ADAMTS2: variants seen among roughly 807,000 people sequenced by gnomAD.
ADAMTS2 encodes the protein A disintegrin and metalloproteinase with thrombospondin motifs 2.
ADAMTS2 carries 50 observed loss-of-function variants against 123.0 expected under a neutral mutation model. The ratio of observed to expected loss-of-function variants is 0.41; its 90% CI spans 0.32 to 0.51. The LOEUF (loss-of-function observed/expected upper bound fraction) is 0.51. Ranked by LOEUF, ADAMTS2 falls within the 20% of genes least tolerant of loss-of-function variation. ADAMTS2 has a pLI of 0.35. For synonymous variants in ADAMTS2, 678 were observed against 695.4 expected (o/e 0.98, Z 0.39); for missense variants, 1,494 against 1,705.2 (o/e 0.88, Z 2.18).
intron 10 of ADAMTS2, 73 bp from the exon 11 acceptor site, chr5:179,140,108 C>G: frequency 6.2e-7 from 1 of 1,605,976 alleles, no homozygotes; most frequent in East Asian, 2.2e-5. Context: ...GCTCTGCAGC[C>G]TGCAGTGTCT....
rs76114462 is a variant in ADAMTS2 at position 179,273,245 on chromosome 5, C to T, written c.535-181G>A. Among the ~76,000 whole-genome samples the T allele has an allele frequency of 0.023, 3,525 of 152,206 alleles. 156 individuals are homozygous for T. Among genetic ancestry groups the T allele is most frequent in the African/African-American group, 0.081 (3,367 of 41,504 alleles). On this transcript the variant is annotated intron_variant, in intron 2 of 21. Transcript: ENST00000251582. ...ATGAACATGTGGTCCCAGAGGCCGCCCCCCGCCGCCCACCCTGTCTAGGAA... is the reference window on the plus strand; with the variant it reads ...ATGAACATGTGGTCCCAGAGGCCGCTCCCCGCCGCCCACCCTGTCTAGGAA...
At chr5:179,219,346 T>C (rs1765072623) in intron 3 of ADAMTS2, among the ~76,000 whole-genome samples, 1 of 152,222 alleles carries the variant, frequency 6.6e-6, no homozygotes, top group African/African-American at 2.4e-5. Context: ...CATTTAGCTC[T>C]CTGTCTCTTG....
chr5:179,207,636 C>A lies in ADAMTS2; in HGVS notation c.768G>T (p.Arg256Ser). 6.2e-7 allele frequency: 1 copy of A among 1,613,780 alleles called. No homozygotes were observed. The highest frequency in any genetic ancestry group is 1.1e-5 in the South Asian group (1 of 91,082). The change falls in exon 4 of 22, where the codon AGG becomes AGT. Residue 256 changes from arginine (R) to serine (S), a missense_variant. Physicochemically the swap from Arg to Ser is moderately radical, Grantham distance 110. This residue lies in a region of ADAMTS2 where 184 missense variants were observed against 152.1 expected (regional missense o/e 1.21). Transcript: ENST00000251582. ...CATCGTCCGCAGCATGCCTGCGTGC[C>A]CTCCGCCTCGAGCTGTTGGCGTGCT... ...LEEHANSSRR[R>S]ARRHAADDDY... is the part of the protein sequence containing the mutation.
intron 3 of ADAMTS2, among the ~76,000 whole-genome samples, chr5:179,226,336 A>T (rs35510292): frequency 6.8e-6 from 1 of 147,316 alleles, no homozygotes. Context: ...GCGTGATCTC[A>T]GCTCACTGCA....
At chr5:179,299,301 G>T (rs1381391194) in intron 2 of ADAMTS2, among the ~76,000 whole-genome samples, 50 of 125,802 alleles carry the variant, frequency 4.0e-4, no homozygotes, top group Non-Finnish European at 5.3e-4. Flanking sequence ...AGGCTGAGGC[G>T]GGCGGATCAC....
chr5:179,249,376 C>G (rs927439500), intron 3 of ADAMTS2, among the ~76,000 whole-genome samples: 1 of 151,578 alleles, frequency 6.6e-6, no homozygotes, highest in Non-Finnish European at 1.5e-5. Context: ...TCAAAGCTAG[C>G]AGAAAAAAGG....
intron 3 of ADAMTS2, among the ~76,000 whole-genome samples, chr5:179,222,861 T>C (rs1287733280): frequency 1.3e-5 from 2 of 152,206 alleles, no homozygotes; most frequent in African/African-American, 2.4e-5. Flanking sequence ...AGGGCCCAGC[T>C]GCCTCCGAAC....
At chr5:179,168,144 G>A (rs1035614461) in intron 5 of ADAMTS2, among the ~76,000 whole-genome samples, 2 of 152,152 alleles carry the variant, frequency 1.3e-5, no homozygotes, top group Admixed American at 6.5e-5. Context: ...TGGGTGAGGC[G>A]GGCACCCTGT....
intron 2 of ADAMTS2, among the ~76,000 whole-genome samples, chr5:179,304,569 T>TGAG (rs1756621785): frequency 1.3e-5 from 2 of 152,172 alleles, no homozygotes; most frequent in African/African-American, 4.8e-5. Context: ...CTTTAAGAAC[T>TGAG]CACTGGATAG....
At chr5:179,321,031 TA>T (rs1419373254) in intron 2 of ADAMTS2, among the ~76,000 whole-genome samples, 2 of 152,218 alleles carry the variant, frequency 1.3e-5, no homozygotes, top group Non-Finnish European at 2.9e-5. Flanking sequence ...TGAAGCTAGA[TA>T]GTTCTAGATA....
intron 3 of ADAMTS2, among the ~76,000 whole-genome samples, chr5:179,217,743 T>C (rs55694270): frequency 1.3e-3 from 99 of 76,404 alleles, no homozygotes; most frequent in African/African-American, 2.2e-3. Context: ...ATGGCACACT[T>C]GCTAGGGGAT....
chr5:179,260,757 C>A lies in ADAMTS2; in HGVS notation c.688+12154G>T, dbSNP rs1020093837. On this transcript the variant is annotated intron_variant, in intron 3 of 21. Transcript: ENST00000251582. This position sits in a 1 kb window ranked among gnomAD's most constrained non-coding sequence, Gnocchi z 4.2. ...CACCGTGGGGCTCATTACAAGAATC[C>A]TAGGAGATGATGTACCTGCAGCGTG... 3.3e-5 allele frequency among the ~76,000 whole-genome samples: 5 copies of A among 152,158 alleles called. No individual in the cohort carries two copies. The highest frequency in any genetic ancestry group is 7.4e-5 in the Non-Finnish European group (5 of 68,008).
At chr5:179,232,288 C>A (rs964254954) in intron 3 of ADAMTS2, among the ~76,000 whole-genome samples, 1 of 152,204 alleles carries the variant, frequency 6.6e-6, no homozygotes, top group Non-Finnish European at 1.5e-5. Context: ...GGAAGCCACA[C>A]GGGATCCCTG....
chr5:179,236,128 C>T (rs185480482), intron 3 of ADAMTS2, among the ~76,000 whole-genome samples: 2 of 152,356 alleles, frequency 1.3e-5, no homozygotes, highest in Admixed American at 6.5e-5. Flanking sequence ...GCCATGAGGT[C>T]AGCTCCGCTC....
chr5:179,295,739 G>C (rs979647311), intron 2 of ADAMTS2, among the ~76,000 whole-genome samples: 1 of 152,248 alleles, frequency 6.6e-6, no homozygotes, highest in African/African-American at 2.4e-5. Flanking sequence ...CATGGCGGCT[G>C]GGGCAGTCCC....
At chr5:179,121,009 C>T (rs2113176306) in intron 21 of ADAMTS2, 1 of 152,344 alleles carries the variant, frequency 6.6e-6, no homozygotes, top group East Asian at 1.9e-4. Flanking sequence ...CACGCGCGCA[C>T]CAGACGGCCA....
intron 2 of ADAMTS2, among the ~76,000 whole-genome samples, chr5:179,320,072 C>T (rs529187428): frequency 4.6e-5 from 7 of 152,330 alleles, no homozygotes; most frequent in East Asian, 1.9e-4. Context: ...CAGAGCCAGC[C>T]GACTCCCAGG....
chr5:179,207,471 A>AG, intron 4 of ADAMTS2, 42 bp downstream of exon 4: 3 of 1,026,472 alleles, frequency 2.9e-6, no homozygotes, highest in Non-Finnish European at 3.0e-6. Context: ...CCCCTGGTTG[A>AG]CCCTCCCCGC....
chr5:179,192,496 T>A (rs1764330057), intron 4 of ADAMTS2, among the ~76,000 whole-genome samples: 1 of 152,102 alleles, frequency 6.6e-6, no homozygotes. Context: ...CTCTGGCAGA[T>A]GGAAAGATAG....
Sources: gnomAD v4.1 joint callset for allele counts (sites outside exome capture counted in the v4.1 genomes callset) on GRCh38, gnomAD v4.1.1 for gene constraint, gnomAD v4.1.1 regional missense constraint, Gnocchi (gnomAD v3.1) non-coding constraint, MANE v1.5 for transcripts, NCBI Gene and HGNC (gene_info 2026-07-23, HGNC 2026-07-21) for gene names.